SOAT1: variants seen among roughly 807,000 people sequenced by gnomAD.
The protein encoded by SOAT1 is sterol O-acyltransferase 1.
Under a neutral mutation model 69.5 loss-of-function variants are expected in SOAT1, and 55 were observed. That is an observed-to-expected ratio of 0.79 (90% CI 0.64 to 0.99). The LOEUF is 0.99. Among genes scored for constraint, SOAT1 ranks in the 50% least tolerant of loss-of-function variants. The probability of loss-of-function intolerance (pLI) is 0.00; values close to 1 mark genes in which losing one functional copy is unlikely to be tolerated. For missense variants in SOAT1, 580 were observed against 669.3 expected, an observed-to-expected ratio of 0.87 and a Z score of 1.47; for synonymous variants, 231 against 224.7, an observed-to-expected ratio of 1.03 and a Z score of -0.25.
intron 3 of SOAT1, among the ~76,000 whole-genome samples, chr1:179,330,505 A>G (rs1665935349): frequency 6.6e-6 from 1 of 152,156 alleles, no homozygotes; most frequent in African/African-American, 2.4e-5. Context: ...CATAATCCTA[A>G]TCTTGTGGCC....
At chr1:179,326,143 A>G (rs1665782727) in intron 3 of SOAT1, among the ~76,000 whole-genome samples, 1 of 152,222 alleles carries the variant, frequency 6.6e-6, no homozygotes. Context: ...CTATTGGGGC[A>G]CAATGGCAAG....
chr1:179,330,363 T>G (rs184757027), intron 3 of SOAT1, among the ~76,000 whole-genome samples: 3 of 152,136 alleles, frequency 2.0e-5, no homozygotes, highest in Admixed American at 1.3e-4. Flanking sequence ...AGAAGACCAA[T>G]CTTAGGTTCT....
At chr1:179,309,178 G>C (rs1665133950) in intron 2 of SOAT1, among the ~76,000 whole-genome samples, 3 of 152,152 alleles carry the variant, frequency 2.0e-5, no homozygotes. Context: ...CCGCCTCCCT[G>C]GTTCAAGCGA....
At chr1:179,348,760 A>AAGTGTGTGTGTGTG (rs1491311101) in intron 12 of SOAT1, 84 bp from the exon 13 acceptor site, 2 of 529,414 alleles carry the variant, frequency 3.8e-6, no homozygotes, top group African/African-American at 4.2e-5. Context: ...TTCGGGTGGG[A>AAGTGTGTGTGTGTG]TGTGTGTGTG....
chr1:179,353,639 T>C lies in SOAT1; in HGVS notation c.1651T>C (p.Ter551GlnextTer17). 6.2e-7 allele frequency: 1 copy of C among 1,613,534 alleles called. No individual in the cohort carries two copies. The highest frequency in any genetic ancestry group is 2.2e-5 in the East Asian group (1 of 44,860). The change falls in exon 16 of 16, where the codon TAG (stop) becomes CAG (glutamine). Residue 551 changes from the stop codon to glutamine (Q), a stop_lost. Transcript: ENST00000367619. ...PRSWTCRYVF[*>Q] ...TTCCTGGACTTGTCGTTACGTGTTT[T>C]AGAAGCTTGGACTTTGTTTCCTCCT...
intron 2 of SOAT1, among the ~76,000 whole-genome samples, chr1:179,310,672 TC>T (rs1159082734): frequency 6.6e-6 from 1 of 152,230 alleles, no homozygotes; most frequent in Non-Finnish European, 1.5e-5. Context: ...GACTTTTGTA[TC>T]GCTTTGTGGA....
rs775753693 is a variant in SOAT1 at position 179,329,216 on chromosome 1, A to G, written c.177+5721A>G. ...TAGCTGGGTGTGGTGACACATGCCT[A>G]TAATCCTAGCTACTAGGGAGGCTGA... On this transcript the variant is annotated intron_variant, in intron 3 of 15. Transcript: ENST00000367619. Among the ~76,000 whole-genome samples the G allele has an allele frequency of 3.9e-5, 6 of 152,172 alleles. No homozygotes were observed. In the East Asian group the frequency reaches 1.2e-3, roughly 29 times the overall value.
At chr1:179,298,989 C>T (rs1217599508) in intron 1 of SOAT1, among the ~76,000 whole-genome samples, 1 of 152,192 alleles carries the variant, frequency 6.6e-6, no homozygotes, top group African/African-American at 2.4e-5. Flanking sequence ...GTACTCCACA[C>T]TAGATTTGGG....
At chr1:179,325,327 A>G (rs367699431) in intron 3 of SOAT1, among the ~76,000 whole-genome samples, 1 of 148,200 alleles carries the variant, frequency 6.7e-6, no homozygotes, top group Non-Finnish European at 1.5e-5. Context: ...TTTTTTTTGT[A>G]TTTTTTGGTA....
At chr1:179,347,491 CTT>C in intron 11 of SOAT1, 107 bp from the exon 12 acceptor site, 1 of 628,182 alleles carries the variant, frequency 1.6e-6, no homozygotes, top group Admixed American at 3.0e-5. Flanking sequence ...GGAATAATAA[CTT>C]ATATTTTACA....
chr1:179,317,208 T>C (rs933989613), intron 2 of SOAT1, among the ~76,000 whole-genome samples: 10 of 152,166 alleles, frequency 6.6e-5, no homozygotes, highest in Non-Finnish European at 2.9e-5. Flanking sequence ...TTAGGCAAAA[T>C]ATACAATAGC....
At chr1:179,298,999 G>A (rs1285403124) in intron 1 of SOAT1, among the ~76,000 whole-genome samples, 1 of 152,138 alleles carries the variant, frequency 6.6e-6, no homozygotes, top group Non-Finnish European at 1.5e-5. Context: ...CTAGATTTGG[G>A]GGAGTCTTAC....
chr1:179,325,444 G>A lies in SOAT1; in HGVS notation c.177+1949G>A, dbSNP rs150549075. 2.0e-3 allele frequency among the ~76,000 whole-genome samples: 310 copies of A among 152,210 alleles called. 3 individuals are homozygous for A. The highest frequency in any genetic ancestry group is 4.4e-3 in the East Asian group (23 of 5,178). ...TGGGATTACAGGCGTGAGCTACCAC[G>A]CTCGGCCTAAAATAAATTTTGTTTT... On this transcript the variant is annotated intron_variant, in intron 3 of 15. Transcript: ENST00000367619.
intron 5 of SOAT1, among the ~76,000 whole-genome samples, chr1:179,338,968 A>G (rs189104252): frequency 5.9e-5 from 9 of 152,278 alleles, no homozygotes; most frequent in Admixed American, 4.6e-4. Context: ...AAAGTCATCT[A>G]TATTATTGTT....
intron 15 of SOAT1, among the ~76,000 whole-genome samples, chr1:179,352,142 A>C (rs1449962780): frequency 6.6e-6 from 1 of 150,408 alleles, no homozygotes; most frequent in East Asian, 1.9e-4. Flanking sequence ...CAACACTGAG[A>C]TCCTTCCATT....
chr1:179,296,451 C>T (rs1285205341), intron 1 of SOAT1, among the ~76,000 whole-genome samples: 2 of 152,116 alleles, frequency 1.3e-5, no homozygotes, highest in African/African-American at 4.8e-5. Flanking sequence ...TTAACAAAGA[C>T]CAGCCAAGTT....
In SOAT1 at chr1:179,344,352, GGTTTTTTTTTTTTT is replaced by G. The variant is rs1372099421; in HGVS notation, c.988-594_988-581del. Among the ~76,000 whole-genome samples, 10 of 120,560 alleles carry G rather than the reference GGTTTTTTTTTTTTT, an allele frequency of 8.3e-5. 1 individual carries two copies. The highest frequency in any genetic ancestry group is 5.7e-4 in the South Asian group (2 of 3,500). The allele number at this position is 120,560 out of a possible 152,430, so 79.1% of individuals were successfully genotyped here. A position where few individuals can be genotyped will look rare whatever the true frequency, so the allele number is the denominator to read the frequency against. ...TATGAAGTAAGTTCTTTCATTAAGG[GGTTTTTTTTTTTTT>G]TTTTTTTTTTTTTTTTTTTTTTTTT... On this transcript the variant is annotated intron_variant, in intron 10 of 15. Transcript: ENST00000367619.
At chr1:179,348,149 G>A (rs753149296) in intron 12 of SOAT1, among the ~76,000 whole-genome samples, 1 of 152,160 alleles carries the variant, frequency 6.6e-6, no homozygotes, top group South Asian at 2.1e-4. Context: ...GCTTCAGATA[G>A]TATCCTTATG....
At chr1:179,329,714 C>CAA (rs745468620) in intron 3 of SOAT1, among the ~76,000 whole-genome samples, 7 of 111,406 alleles carry the variant, frequency 6.3e-5, no homozygotes, top group African/African-American at 1.6e-4. Context: ...GACTTCATCT[C>CAA]AAAAAAAAAA....
Sources: allele counts gnomAD v4.1 joint callset (sites outside exome capture counted in the v4.1 genomes callset), GRCh38; gene constraint gnomAD v4.1.1; transcripts MANE v1.5; gene names NCBI Gene and HGNC (gene_info 2026-07-23, HGNC 2026-07-21).